The following GRM5 variants were observed in gnomAD, a reference collection of about 807,000 sequenced individuals.
GRM5 encodes the protein metabotropic glutamate receptor 5.
Under a neutral mutation model 83.1 loss-of-function variants are expected in GRM5, and 19 were observed. The ratio of observed to expected loss-of-function variants is 0.23; its 90% CI spans 0.16 to 0.34. The LOEUF (loss-of-function observed/expected upper bound fraction) is 0.34. Ranked by LOEUF, GRM5 falls within the 10% of genes least tolerant of loss-of-function variation. The probability of loss-of-function intolerance (pLI) is 1.00; values close to 1 mark genes in which losing one functional copy is unlikely to be tolerated. For synonymous variants in GRM5, 675 were observed against 633.6 expected (o/e 1.07, Z -0.98); for missense variants, 1,160 against 1,588.3 (o/e 0.73, Z 4.58).
intron 3 of GRM5, among the ~76,000 whole-genome samples, chr11:88,677,139 A>C (rs1940352764): frequency 6.6e-6 from 1 of 152,076 alleles, no homozygotes; most frequent in Non-Finnish European, 1.5e-5. Flanking sequence ...TAATTTTACT[A>C]TATTCATTTA....
At chr11:88,792,266 G>T (rs1271994534) in intron 3 of GRM5, among the ~76,000 whole-genome samples, 1 of 152,070 alleles carries the variant, frequency 6.6e-6, no homozygotes, top group Non-Finnish European at 1.5e-5. Flanking sequence ...TTCATGCACA[G>T]ATGAGTCTGC....
At chr11:88,780,362 A>G (rs1178948752) in intron 3 of GRM5, among the ~76,000 whole-genome samples, 1 of 152,154 alleles carries the variant, frequency 6.6e-6, no homozygotes, top group East Asian at 1.9e-4. Context: ...TCTAACTCCC[A>G]TTATAGATGG....
chr11:88,966,827 A>C (rs1938983810), intron 2 of GRM5, among the ~76,000 whole-genome samples: 1 of 152,144 alleles, frequency 6.6e-6, no homozygotes, highest in Admixed American at 6.6e-5. Flanking sequence ...ACCAAGGCGC[A>C]TACTATGGCA....
intron 8 of GRM5, among the ~76,000 whole-genome samples, chr11:88,529,734 T>C (rs1024488841): frequency 6.6e-6 from 1 of 151,882 alleles, no homozygotes; most frequent in Non-Finnish European, 1.5e-5. Context: ...ATGCTTAGGG[T>C]AGCGATAATA....
At chr11:88,656,313 C>T (rs1939767502) in intron 3 of GRM5, among the ~76,000 whole-genome samples, 1 of 152,182 alleles carries the variant, frequency 6.6e-6, no homozygotes, top group Admixed American at 6.6e-5. Context: ...CCCAACTCCT[C>T]ATAATCCATT....
rs371939089 is a variant in GRM5, at chr11:89,065,320, G to GGA, written c.-201+454_-201+455dup. ...CACACACACACACACACAGACAGAG[G>GGA]GAGAGAGAGAGAGACAGACACACAG... On this transcript the variant is annotated intron_variant, in intron 1 of 9. Transcript: ENST00000305447. Among the ~76,000 whole-genome samples the GGA allele has an allele frequency of 4.0e-3, 572 of 144,638 alleles. 2 individuals carry two copies. Among genetic ancestry groups the GGA allele is most frequent in the Middle Eastern group, 0.016 (4 of 250 alleles). The allele number at this position is 144,638 out of a possible 152,430, so 94.9% of individuals were successfully genotyped here. A position where few individuals can be genotyped will look rare whatever the true frequency, so the allele number is the denominator to read the frequency against.
intron 3 of GRM5, among the ~76,000 whole-genome samples, chr11:88,831,793 C>A (rs1238552355): frequency 6.6e-6 from 1 of 152,182 alleles, no homozygotes; most frequent in African/African-American, 2.4e-5. Context: ...ACTGCTACTC[C>A]CATCACCAAC....
chr11:88,707,973 A>G lies in GRM5; in HGVS notation c.912-54570T>C, dbSNP rs572792398. Among the ~76,000 whole-genome samples, 11 of 152,164 alleles carry G rather than the reference A, an allele frequency of 7.2e-5. No individual in the cohort carries two copies. In the South Asian group the frequency reaches 1.4e-3, roughly 20 times the overall value. On this transcript the variant is annotated intron_variant, in intron 3 of 9. Transcript: ENST00000305447. ...TTTTCCAGATTATGGTCTTTCTTTT[A>G]TCACCTTCATGGATTTTACCTTATT...
At chr11:88,975,506 G>A (rs906323963) in intron 2 of GRM5, among the ~76,000 whole-genome samples, 1 of 152,100 alleles carries the variant, frequency 6.6e-6, no homozygotes, top group African/African-American at 2.4e-5. Context: ...TCATGCTGAT[G>A]CCTCCCACCT....
chr11:88,939,336 A>C (rs4121826), intron 2 of GRM5, among the ~76,000 whole-genome samples: 210 of 151,956 alleles, frequency 1.4e-3, no homozygotes, highest in Non-Finnish European at 2.3e-3. Flanking sequence ...AAGTGATACA[A>C]GGGTGCCCAC....
chr11:89,055,708 ATC>A (rs1380293029), intron 1 of GRM5, among the ~76,000 whole-genome samples: 3 of 151,778 alleles, frequency 2.0e-5, no homozygotes, highest in East Asian at 1.9e-4. Flanking sequence ...TTAATATGAA[ATC>A]TCTCTCATAA....
intron 3 of GRM5, among the ~76,000 whole-genome samples, chr11:88,762,262 T>C (rs1315829875): frequency 6.6e-6 from 1 of 152,026 alleles, no homozygotes; most frequent in East Asian, 1.9e-4. Flanking sequence ...ACCAACAGAA[T>C]GGGAGAAAAT....
intron 3 of GRM5, among the ~76,000 whole-genome samples, chr11:88,829,825 CTT>C (rs1943955360): frequency 6.6e-6 from 1 of 151,946 alleles, no homozygotes; most frequent in South Asian, 2.1e-4. Flanking sequence ...TATAAAATAA[CTT>C]TTAAATATGT....
chr11:88,707,578 G>T (rs1352597505), intron 3 of GRM5, among the ~76,000 whole-genome samples: 2 of 152,074 alleles, frequency 1.3e-5, no homozygotes, highest in African/African-American at 4.8e-5. Context: ...AAGTAGACAG[G>T]AGGATGTGTG....
intron 2 of GRM5, among the ~76,000 whole-genome samples, chr11:88,867,960 T>C (rs1293724764): frequency 6.6e-6 from 1 of 151,978 alleles, no homozygotes. Context: ...ATCCTTAGGC[T>C]ACATGAAATT....
chr11:89,062,067 G>A (rs557897149), intron 1 of GRM5, among the ~76,000 whole-genome samples: 35 of 152,224 alleles, frequency 2.3e-4, no homozygotes, highest in Admixed American at 2.3e-3. Context: ...GAAATTTGAC[G>A]GGACGCACAC....
chr11:89,019,937 A>C (rs76583433), intron 2 of GRM5, among the ~76,000 whole-genome samples: 2,107 of 152,196 alleles, frequency 0.014, 65 homozygotes, highest in African/African-American at 0.048. Flanking sequence ...CTTCATACAC[A>C]CAAAGAGCTG....
chr11:89,050,778 T>TA (rs1024080478), intron 1 of GRM5, among the ~76,000 whole-genome samples: 8 of 152,102 alleles, frequency 5.3e-5, no homozygotes, highest in Non-Finnish European at 1.2e-4. Context: ...TATACAGCCA[T>TA]AAAAAATGAG....
rs1158060087 is a variant in GRM5, at chr11:88,785,301, GT to G, written c.911+64604del. 8.5e-5 allele frequency among the ~76,000 whole-genome samples: 13 copies of G among 152,092 alleles called. No homozygotes were observed. In the East Asian group the frequency reaches 2.5e-3, roughly 29 times the overall value. The stretch of plus-strand genomic sequence containing the variant: ...ACTTTGGCAGAATTTCATTCTTTCT[GT>G]TTTGGTAGTTATTCTGGTAAATTTC... On this transcript the variant is annotated intron_variant, in intron 3 of 9. Coordinates refer to ENST00000305447, the MANE Select transcript of GRM5 (RefSeq NM_001143831.3).
Sources: allele counts gnomAD v4.1 joint callset (sites outside exome capture counted in the v4.1 genomes callset), GRCh38; gene constraint gnomAD v4.1.1; transcripts MANE v1.5; gene names NCBI Gene and HGNC (gene_info 2026-07-23, HGNC 2026-07-21).